The following CRYBG3 variants were observed in gnomAD, a reference collection of about 807,000 sequenced individuals.
CRYBG3 encodes very large A-kinase anchor protein.
A neutral mutation model predicts 244.2 loss-of-function variants in CRYBG3; 127 were observed. The ratio of observed to expected loss-of-function variants is 0.52; its 90% CI spans 0.45 to 0.60. The LOEUF (loss-of-function observed/expected upper bound fraction) is 0.60, where lower values mean the gene tolerates loss of function less well. Ranked by LOEUF, CRYBG3 falls within the 20% of genes least tolerant of loss-of-function variation. The probability of loss-of-function intolerance (pLI) is 0.00; values close to 1 mark genes in which losing one functional copy is unlikely to be tolerated. For synonymous variants in CRYBG3, 1,132 were observed against 1,195.8 expected, an observed-to-expected ratio of 0.95 and a Z score of 1.10; for missense variants, 3,325 against 3,442.5, an observed-to-expected ratio of 0.97 and a Z score of 0.85.
At chr3:97,921,319 G>C (rs1291079115) in intron 17 of CRYBG3, among the ~76,000 whole-genome samples, 8 of 152,068 alleles carry the variant, frequency 5.3e-5, no homozygotes, top group Non-Finnish European at 1.2e-4. Context: ...CACAGTTACT[G>C]AAACTGCAAA....
chr3:97,888,273 C>T (rs544417503), intron 8 of CRYBG3, 68 bp from the exon 9 acceptor site: 8 of 948,150 alleles, frequency 8.4e-6, no homozygotes, highest in South Asian at 3.1e-5. Context: ...TTTGGTAGCC[C>T]TTTTTACTTA....
At position 97,875,504 on chromosome 3, in the gene CRYBG3, A is replaced by T; in HGVS notation, c.4310A>T (p.Asp1437Val). The T allele has an allele frequency of 2.3e-6, 3 of 1,284,354 alleles. No individual in the cohort carries two copies. Among genetic ancestry groups the T allele is most frequent in the Non-Finnish European group, 2.9e-6 (3 of 1,021,342 alleles). 79.6% of individuals were successfully genotyped at this position (1,284,354 alleles called of 1,614,324 possible). ...GAAGACATGTCACATAAACGGTTAG[A>T]TGATAGGGTAAAAACACATTTATTT... ...LAEDMSHKRL[D>V]DRVKTHLFRS... Residue 1437 changes from aspartate to valine, a missense_variant, in exon 4 of 22, where the codon GAT (aspartate) becomes GTT (valine). Asp to Val is a radical substitution (Grantham distance 152, BLOSUM62 -3). Around this residue, in one of 4 missense-constraint regions of CRYBG3, gnomAD observed 635 missense variants for 771.7 expected, o/e 0.82. Transcript: ENST00000389622.
intron 2 of CRYBG3, among the ~76,000 whole-genome samples, chr3:97,856,916 T>A (rs2108193386): frequency 6.6e-6 from 1 of 152,254 alleles, no homozygotes; most frequent in East Asian, 1.9e-4. Flanking sequence ...CTGCTCTGAT[T>A]ATTGTTTTCT....
chr3:97,912,068 C>T, intron 15 of CRYBG3, 99 bp from the exon 16 acceptor site: 1 of 532,426 alleles, frequency 1.9e-6, no homozygotes. Flanking sequence ...TGATATTTTG[C>T]TGCATTTTAT....
At position 97,876,997 on chromosome 3, in the gene CRYBG3, C is replaced by G. The variant is rs758369693; in HGVS notation, c.5803C>G (p.Pro1935Ala). 7 of 1,525,518 alleles carry G rather than the reference C, an allele frequency of 4.6e-6. No individual in the cohort carries two copies. The Admixed American group carries it at 1.3e-4, about 29-fold the overall frequency. The allele number at this position is 1,525,518 out of a possible 1,614,324, so 94.5% of individuals were successfully genotyped here. Residue 1935 changes from proline to alanine, a missense_variant, in exon 4 of 22, where the codon CCT becomes GCT. This residue lies in a region of CRYBG3 where 450 missense variants were observed against 424.1 expected (regional missense o/e 1.06). Transcript: ENST00000389622. ...LPTYFRGYES[P>A]TLSKDYEGYP... The stretch of plus-strand genomic sequence containing the variant: ...TACATATTTCAGGGGATATGAATCC[C>G]CTACATTAAGTAAGGATTATGAGGG...
At chr3:97,861,836 T>G (rs528893486) in intron 2 of CRYBG3, among the ~76,000 whole-genome samples, 1 of 152,282 alleles carries the variant, frequency 6.6e-6, no homozygotes, top group Admixed American at 6.5e-5. Flanking sequence ...AAAATTTTAA[T>G]TCTATAAATA....
intron 3 of CRYBG3, among the ~76,000 whole-genome samples, chr3:97,871,183 A>G (rs926903586): frequency 3.9e-5 from 6 of 152,192 alleles, no homozygotes; most frequent in African/African-American, 1.4e-4. Context: ...CTTACTCTAG[A>G]CATCTTTTTT....
rs2039379733 is a variant in CRYBG3 at position 97,876,863 on chromosome 3, C to T, written c.5669C>T (p.Ala1890Val). ...TTKQGEAMLPAFESKTPQEYA... is the reference protein window; with the variant it reads ...TTKQGEAMLPVFESKTPQEYA... The stretch of plus-strand genomic sequence containing the variant: ...AAACAAGGGGAGGCCATGCTTCCTG[C>T]ATTTGAAAGTAAAACACCACAAGAG... The change falls in exon 4 of 22, where the codon GCA becomes GTA. Residue 1890 changes from alanine (A) to valine (V), a missense_variant. By Grantham distance (64) the Ala-to-Val change is moderately conservative. Around this residue, in one of 4 missense-constraint regions of CRYBG3, gnomAD observed 635 missense variants for 771.7 expected, o/e 0.82. Coordinates refer to ENST00000389622, the MANE Select transcript of CRYBG3 (RefSeq NM_153605.4). The T allele has an allele frequency of 1.2e-5, 16 of 1,378,210 alleles. No homozygotes were observed. The East Asian group carries it at 4.2e-4, about 37-fold the overall frequency. 85.4% of individuals were successfully genotyped at this position (1,378,210 alleles called of 1,614,324 possible).
intron 17 of CRYBG3, among the ~76,000 whole-genome samples, chr3:97,919,639 T>C (rs2039962488): frequency 6.6e-6 from 1 of 151,326 alleles, no homozygotes; most frequent in African/African-American, 2.4e-5. Flanking sequence ...AGTTTAAGTG[T>C]TTTGTGGGGG....
intron 18 of CRYBG3, among the ~76,000 whole-genome samples, chr3:97,934,176 C>G (rs958567437): frequency 6.6e-6 from 1 of 152,090 alleles, no homozygotes; most frequent in Admixed American, 6.5e-5. Context: ...CCAGGGTACT[C>G]ACTTGCCTGT....
chr3:97,864,223 C>A lies in CRYBG3; in HGVS notation c.223C>A (p.Gln75Lys). ...VLSSEAVKIR[Q>K]SEDKRNHAEK... ...GTCTATTTTGTTTTCAAAGATTCGCCAAAGTGAGGACAAAAGGAACCATGC... is the reference window on the plus strand; with the variant it reads ...GTCTATTTTGTTTTCAAAGATTCGCAAAAGTGAGGACAAAAGGAACCATGC... The change falls in exon 3 of 22, where the codon CAA becomes AAA. Residue 75 changes from glutamine to lysine, a missense_variant. Physicochemically the swap from Gln to Lys is moderately conservative, Grantham distance 53 (BLOSUM62 1). Transcript: ENST00000389622. 2 of 1,485,354 alleles carry A rather than the reference C, an allele frequency of 1.3e-6. No homozygotes were observed. The highest frequency in any genetic ancestry group is 1.3e-5 in the South Asian group (1 of 75,748). The allele number at this position is 1,485,354 out of a possible 1,614,324, so 92.0% of individuals were successfully genotyped here.
intron 15 of CRYBG3, among the ~76,000 whole-genome samples, chr3:97,901,660 G>A (rs969501062): frequency 6.6e-6 from 1 of 152,154 alleles, no homozygotes; most frequent in Non-Finnish European, 1.5e-5. Flanking sequence ...GTAGATAGAA[G>A]AAAGAGAAGT....
rs778887193 is a variant in CRYBG3 at position 97,840,087 on chromosome 3, T to C, written c.150-3108T>C. Among the ~76,000 whole-genome samples the C allele has an allele frequency of 2.6e-5, 4 of 151,872 alleles. No homozygotes were observed. The South Asian group carries it at 6.2e-4, about 24-fold the overall frequency. ...GCAGTGAGAGCACAAAAAATACAAGTAAAACCAGAACTAAGCTGTAAAGGA... is the reference window on the plus strand; with the variant it reads ...GCAGTGAGAGCACAAAAAATACAAGCAAAACCAGAACTAAGCTGTAAAGGA... On this transcript the variant is annotated intron_variant, in intron 1 of 21. Transcript: ENST00000389622.
chr3:97,877,889 C>G lies in CRYBG3; in HGVS notation c.6695C>G (p.Ser2232Cys). ...GACCTTACTTCTAAACTACATTCTT[C>G]TTTAAAGAGTGCTTATCATCAGTAT... is the stretch of plus-strand genomic sequence containing the variant. ...KSDLTSKLHS[S>C]LKSAYHQYLQ... is the part of the protein sequence containing the mutation. Residue 2232 changes from serine to cysteine, a missense_variant, in exon 4 of 22, where the codon TCT (serine) becomes TGT (cysteine). Coordinates refer to ENST00000389622, the MANE Select transcript of CRYBG3 (RefSeq NM_153605.4). The G allele has an allele frequency of 6.2e-7, 1 of 1,614,138 alleles. No homozygotes were observed. Among genetic ancestry groups the G allele is most frequent in the Non-Finnish European group, 8.5e-7 (1 of 1,180,018 alleles).
At position 97,873,969 on chromosome 3, in the gene CRYBG3, G is replaced by A; in HGVS notation, c.2775G>A (p.Glu925=). The stretch of plus-strand genomic sequence containing the variant: ...AATATGAAGATAAGCCAGAACCAGA[G>A]GTAGATGCCTTAGGCTCTCCTCCTG... ...ASKYEDKPEP[E]VDALGSPPAL... is the part of the protein sequence containing the mutation. The change falls in exon 4 of 22, where the codon GAG becomes GAA. Residue 925 remains glutamate, a synonymous_variant. Transcript: ENST00000389622. 6.5e-7 allele frequency: 1 copy of A among 1,534,752 alleles called. No individual in the cohort carries two copies. Among genetic ancestry groups the A allele is most frequent in the Non-Finnish European group, 8.7e-7 (1 of 1,146,574 alleles).
At position 97,876,320 on chromosome 3, in the gene CRYBG3, C is replaced by T. The variant is rs768938262; in HGVS notation, c.5126C>T (p.Pro1709Leu). ...EGISEKAEVIPVTLAMENTYQ... is the reference protein window; with the variant it reads ...EGISEKAEVILVTLAMENTYQ... ...ATTAGTGAAAAGGCTGAAGTGATAC[C>T]CGTTACATTAGCAATGGAAAATACT... Residue 1709 changes from proline (P) to leucine (L), a missense_variant, in exon 4 of 22, where the codon CCC (proline) becomes CTC (leucine). Around this residue, in one of 4 missense-constraint regions of CRYBG3, gnomAD observed 635 missense variants for 771.7 expected, o/e 0.82. Coordinates refer to ENST00000389622, the MANE Select transcript of CRYBG3 (RefSeq NM_153605.4). 1.6e-5 allele frequency: 20 copies of T among 1,231,728 alleles called. No homozygotes were observed. The highest frequency in any genetic ancestry group is 1.9e-5 in the Non-Finnish European group (19 of 987,874). 76.3% of individuals were successfully genotyped at this position (1,231,728 alleles called of 1,614,324 possible).
chr3:97,904,278 C>T (rs554382065), intron 15 of CRYBG3, among the ~76,000 whole-genome samples: 9 of 152,260 alleles, frequency 5.9e-5, no homozygotes, highest in African/African-American at 2.2e-4. Flanking sequence ...TAGAATTGGT[C>T]TAATTCTGGG....
In CRYBG3 at chr3:97,822,334, C is replaced by T. The variant is rs1241550230; in HGVS notation, c.128C>T (p.Ala43Val). The change falls in exon 1 of 22, where the codon GCT becomes GTT. Residue 43 changes from alanine (A) to valine (V), a missense_variant. This residue lies in a region of CRYBG3 where 1,526 missense variants were observed against 1,443.2 expected (regional missense o/e 1.06). Transcript: ENST00000389622. ...EERPGTSPPP[A>V]PGRSAASVEN... Reference sequence around the variant, plus strand: ...AGGCCGGGGACGAGCCCGCCTCCAGCTCCAGGCCGGTCCGCTGCCAGGTGG... The same window carrying T: ...AGGCCGGGGACGAGCCCGCCTCCAGTTCCAGGCCGGTCCGCTGCCAGGTGG... 2 of 1,507,540 alleles carry T rather than the reference C, an allele frequency of 1.3e-6. No individual in the cohort carries two copies. Among genetic ancestry groups the T allele is most frequent in the Non-Finnish European group, 8.8e-7 (1 of 1,132,514 alleles). 93.4% of individuals were successfully genotyped at this position (1,507,540 alleles called of 1,614,324 possible).
At position 97,874,085 on chromosome 3, in the gene CRYBG3, C is replaced by A; in HGVS notation, c.2891C>A (p.Thr964Asn). The A allele has an allele frequency of 6.5e-7, 1 of 1,535,840 alleles. No individual in the cohort carries two copies. Among genetic ancestry groups the A allele is most frequent in the Non-Finnish European group, 8.7e-7 (1 of 1,146,804 alleles). The change falls in exon 4 of 22, where the codon ACT becomes AAT. Residue 964 changes from threonine to asparagine, a missense_variant. Thr to Asn is a moderately conservative substitution (Grantham distance 65). This residue lies in a region of CRYBG3 where 1,526 missense variants were observed against 1,443.2 expected (regional missense o/e 1.06). Coordinates refer to ENST00000389622, the MANE Select transcript of CRYBG3 (RefSeq NM_153605.4). ...ATGGCGCAGAATTGTGAAGCTCACACTTGTGTGTTTCATCAATCTTTGGAT... is the reference window on the plus strand; with the variant it reads ...ATGGCGCAGAATTGTGAAGCTCACAATTGTGTGTTTCATCAATCTTTGGAT... ...RQMAQNCEAH[T>N]CVFHQSLDIC...
Sources: allele counts gnomAD v4.1 joint callset (sites outside exome capture counted in the v4.1 genomes callset), GRCh38; gene constraint gnomAD v4.1.1; regional missense constraint gnomAD v4.1.1; transcripts MANE v1.5; gene names NCBI Gene and HGNC (gene_info 2026-07-23, HGNC 2026-07-21).